The following BRSK2 variants were observed in gnomAD, a reference collection of about 807,000 sequenced individuals.
BRSK2 encodes the protein BR serine/threonine kinase 2, also known as serine/threonine-protein kinase BRSK2.
Under a neutral mutation model 83.3 loss-of-function variants are expected in BRSK2, and 19 were observed. The observed-to-expected ratio is 0.23, with a 90% CI of 0.16 to 0.33. The LOEUF (loss-of-function observed/expected upper bound fraction) is 0.33. BRSK2 is among the 10% of genes least tolerant of loss of function. The pLI, the probability that BRSK2 is intolerant of heterozygous loss-of-function variation, is 1.00. For missense variants in BRSK2, 798 were observed against 1,042.3 expected (o/e 0.77, Z 3.23); for synonymous variants, 519 against 435.4 (o/e 1.19, Z -2.39).
In BRSK2 at chr11:1,438,761, GC is replaced by G. The variant is rs1850700298; in HGVS notation, c.272+373del. Among the ~76,000 whole-genome samples, 1 of 152,112 alleles carries G rather than the reference GC, an allele frequency of 6.6e-6. No homozygotes were observed. Among genetic ancestry groups the G allele is most frequent in the African/African-American group, 2.4e-5 (1 of 41,424 alleles). ...CTGGCCTCTGCCCAGGACGTCCCCA[GC>G]CCTGGGCAGTGAGCCATGTCTCTAT... On this transcript the variant is annotated intron_variant, in intron 3 of 19. Coordinates refer to ENST00000528841, the MANE Select transcript of BRSK2 (RefSeq NM_001256627.2). This position sits in a 1 kb window ranked among gnomAD's most constrained non-coding sequence, Gnocchi z 6.4.
rs964560215 is a variant in BRSK2 at position 1,450,455 on chromosome 11, C to A, written c.1288-132C>A. 7 of 584,378 alleles carry A rather than the reference C, an allele frequency of 1.2e-5. No homozygotes were observed. The African/African-American group carries it at 1.4e-4, about 11-fold the overall frequency. 36.2% of individuals were successfully genotyped at this position (584,378 alleles called of 1,614,324 possible). A position where few individuals can be genotyped will look rare whatever the true frequency, so the allele number is the denominator to read the frequency against. ...GTCCAACCCCTTCCCGGCCAGCACC[C>A]CAGCCCGGCCTCCCGCCACTGGCCT... On this transcript the variant is annotated intron_variant, in intron 13 of 19. Coordinates refer to ENST00000528841, the MANE Select transcript of BRSK2 (RefSeq NM_001256627.2).
chr11:1,406,886 G>A (rs1846912841), intron 1 of BRSK2, among the ~76,000 whole-genome samples: 1 of 152,196 alleles, frequency 6.6e-6, no homozygotes, highest in South Asian at 2.1e-4. Flanking sequence ...GTGTGCGCCT[G>A]CATATCTGTG....
In BRSK2 at chr11:1,454,711, C is replaced by T; in HGVS notation, c.1668+103C>T. ...CACGTAGACAGGACATGTCCACGCG[C>T]ACAGCACGGACGTCCGCTCACCCGT... On this transcript the variant is annotated intron_variant, in intron 16 of 19. Coordinates refer to ENST00000528841, the MANE Select transcript of BRSK2 (RefSeq NM_001256627.2). The surrounding 1 kb of genome is among the most constrained non-coding windows in gnomAD (Gnocchi z 5.2). 7.0e-7 allele frequency: 1 copy of T among 1,428,482 alleles called. No individual in the cohort carries two copies. The highest frequency in any genetic ancestry group is 2.4e-5 in the East Asian group (1 of 42,364). The allele number at this position is 1,428,482 out of a possible 1,614,324, so 88.5% of individuals were successfully genotyped here. A position where few individuals can be genotyped will look rare whatever the true frequency, so the allele number is the denominator to read the frequency against.
chr11:1,456,960 C>A lies in BRSK2; in HGVS notation c.1939+273C>A, dbSNP rs769704982. ...GCGCCTCTTGTCCACCGTAGAACCC[C>A]CCCCACCAGCGCCAGGACTAAGCTG... On this transcript the variant is annotated intron_variant, in intron 18 of 19. Transcript: ENST00000528841. The A allele has an allele frequency of 4.4e-6, 7 of 1,597,298 alleles. No homozygotes were observed. In the African/African-American group the frequency reaches 5.3e-5, roughly 12 times the overall value.
chr11:1,460,480 TCTCTG>T lies in BRSK2; in HGVS notation c.1988-19_1988-15del. On this transcript the variant is annotated splice_polypyrimidine_tract_variant and intron_variant, in intron 19 of 19. Coordinates refer to ENST00000528841, the MANE Select transcript of BRSK2 (RefSeq NM_001256627.2). ...TTTTTCCTTTTTTTTTTTTTTTTTG[TCTCTG>T]TTCTGTGTACCCAGGCAGCCCATTG... 7.9e-7 allele frequency: 1 copy of T among 1,269,628 alleles called. No homozygotes were observed. Among genetic ancestry groups the T allele is most frequent in the Non-Finnish European group, 1.0e-6 (1 of 989,670 alleles). 78.6% of individuals were successfully genotyped at this position (1,269,628 alleles called of 1,614,324 possible).
intron 12 of BRSK2, among the ~76,000 whole-genome samples, chr11:1,446,111 G>A (rs968714853): frequency 2.2e-5 from 3 of 137,416 alleles, no homozygotes; most frequent in African/African-American, 9.2e-5. Context: ...GGCTGGGCTG[G>A]GAGCTGAGCT....
rs2134116839 is a variant in BRSK2, at chr11:1,411,431, A to G, written c.91+21056A>G. The G allele has an allele frequency of 6.1e-6, 9 of 1,467,798 alleles. No individual in the cohort carries two copies. The South Asian group carries it at 1.1e-4, about 18-fold the overall frequency. 90.9% of individuals were successfully genotyped at this position (1,467,798 alleles called of 1,614,324 possible). A position where few individuals can be genotyped will look rare whatever the true frequency, so the allele number is the denominator to read the frequency against. The stretch of plus-strand genomic sequence containing the variant: ...TGAGCCCTGAGGGCCACCCCAGCCG[A>G]TGGGCACGTCCCCGCCGGCCCTGCA... On this transcript the variant is annotated intron_variant, in intron 1 of 19. Transcript: ENST00000528841.
chr11:1,454,432 G>T lies in BRSK2; in HGVS notation c.1545-53G>T. The T allele has an allele frequency of 6.2e-7, 1 of 1,606,052 alleles. No individual in the cohort carries two copies. The highest frequency in any genetic ancestry group is 1.1e-5 in the South Asian group (1 of 90,642). On this transcript the variant is annotated intron_variant, in intron 15 of 19. Transcript: ENST00000528841. This position sits in a 1 kb window ranked among gnomAD's most constrained non-coding sequence, Gnocchi z 5.2. ...AACCCCAGATTCGAGGGAGGCAGGG[G>T]TGTGGACGGTGCCACACCTCAATCC...
chr11:1,438,618 C>T lies in BRSK2; in HGVS notation c.272+227C>T, dbSNP rs533308528. 3.9e-5 allele frequency among the ~76,000 whole-genome samples: 6 copies of T among 152,096 alleles called. No individual in the cohort carries two copies. Among genetic ancestry groups the T allele is most frequent in the African/African-American group, 7.2e-5 (3 of 41,422 alleles). ...ACCGGAGACCTGGTCTGTGGAGGCT[C>T]GCAGAGCCACCAGCCTGAGGCTGGC... On this transcript the variant is annotated intron_variant, in intron 3 of 19. Transcript: ENST00000528841. This position sits in a 1 kb window ranked among gnomAD's most constrained non-coding sequence, Gnocchi z 6.4.
rs114583794 is a variant in BRSK2, at chr11:1,403,784, G to A, written c.91+13409G>A. Among the ~76,000 whole-genome samples the A allele has an allele frequency of 8.9e-3, 1,359 of 152,266 alleles. 19 individuals are homozygous for A. Among genetic ancestry groups the A allele is most frequent in the African/African-American group, 0.03 (1,262 of 41,552 alleles). On this transcript the variant is annotated intron_variant, in intron 1 of 19. Coordinates refer to ENST00000528841, the MANE Select transcript of BRSK2 (RefSeq NM_001256627.2). ...TCTGGGCTCTGTGGCTCCTGGTGGC[G>A]TTGGATAAACCAAGCCCCCACAGGG...
intron 1 of BRSK2, among the ~76,000 whole-genome samples, chr11:1,395,032 G>T (rs1845984437): frequency 6.6e-6 from 1 of 152,168 alleles, no homozygotes; most frequent in Non-Finnish European, 1.5e-5. Flanking sequence ...GCTGAGCCCG[G>T]AGAGCGCATG....
At chr11:1,428,478 C>T (rs940503939) in intron 1 of BRSK2, among the ~76,000 whole-genome samples, 1 of 152,242 alleles carries the variant, frequency 6.6e-6, no homozygotes, top group African/African-American at 2.4e-5. Context: ...ACTGTTTCCT[C>T]ATCTGTGAAA....
At chr11:1,435,553 C>T (rs1164789753) in intron 1 of BRSK2, among the ~76,000 whole-genome samples, 16 of 6,602 alleles carry the variant, frequency 2.4e-3, no homozygotes, top group African/African-American at 0.011. Flanking sequence ...GGGGTCTCGG[C>T]GGAGGAGGGG....
At chr11:1,417,199 C>T (rs1351841686) in intron 1 of BRSK2, among the ~76,000 whole-genome samples, 1 of 152,120 alleles carries the variant, frequency 6.6e-6, no homozygotes, top group African/African-American at 2.4e-5. Flanking sequence ...TCCCTATTTG[C>T]TCTTTCCTGT....
chr11:1,408,181 G>A (rs149537439), intron 1 of BRSK2, among the ~76,000 whole-genome samples: 246 of 152,328 alleles, frequency 1.6e-3, no homozygotes, highest in Middle Eastern at 3.4e-3. Context: ...GCCTCCCTCC[G>A]CCTGTTCCTA....
intron 13 of BRSK2, among the ~76,000 whole-genome samples, chr11:1,450,269 G>A (rs1221681437): frequency 6.7e-6 from 1 of 149,246 alleles, no homozygotes; most frequent in African/African-American, 2.5e-5. Context: ...GCCGCCCTTC[G>A]TGGCCCGCCC....
rs1321315299 is a variant in BRSK2, at chr11:1,454,478, TG to T, written c.1545-6del. On this transcript the variant is annotated splice_polypyrimidine_tract_variant and splice_region_variant and intron_variant, in intron 15 of 19. Transcript: ENST00000528841. The surrounding 1 kb of genome is among the most constrained non-coding windows in gnomAD (Gnocchi z 5.2). ...AATCCTCACAGCCTCTGTCTCCCAC[TG>T]CCCAGGCTGGCGAAGAAGTCCTGGT... is the stretch of plus-strand genomic sequence containing the variant. The T allele has an allele frequency of 1.2e-6, 2 of 1,612,760 alleles. No homozygotes were observed. The highest frequency in any genetic ancestry group is 2.7e-5 in the African/African-American group (2 of 74,912).
chr11:1,443,878 G>A (rs1201590388), intron 8 of BRSK2, among the ~76,000 whole-genome samples: 1 of 152,158 alleles, frequency 6.6e-6, no homozygotes, highest in Non-Finnish European at 1.5e-5. Flanking sequence ...GCACCCAGGT[G>A]TGGGAGTGCC....
rs528399121 is a variant in BRSK2 at position 1,423,068 on chromosome 11, C to T, written c.92-12972C>T. Among the ~76,000 whole-genome samples, 3 of 152,312 alleles carry T rather than the reference C, an allele frequency of 2.0e-5. No individual in the cohort carries two copies. The highest frequency in any genetic ancestry group is 7.2e-5 in the African/African-American group (3 of 41,570). ...AGCCTTAGCTCAGCCAGACAGCAGC[C>T]CGGAGGGTTAATGTCCAGGTACCTC... On this transcript the variant is annotated intron_variant, in intron 1 of 19. Coordinates refer to ENST00000528841, the MANE Select transcript of BRSK2 (RefSeq NM_001256627.2). This position sits in a 1 kb window ranked among gnomAD's most constrained non-coding sequence, Gnocchi z 6.5.
Sources: allele counts gnomAD v4.1 joint callset (sites outside exome capture counted in the v4.1 genomes callset), GRCh38; gene constraint gnomAD v4.1.1; non-coding constraint Gnocchi (gnomAD v3.1); transcripts MANE v1.5; gene names NCBI Gene and HGNC (gene_info 2026-07-23, HGNC 2026-07-21).